The following CNKSR3 variants were observed in gnomAD, a reference collection of about 807,000 sequenced individuals.
The protein encoded by CNKSR3 is CNKSR family member 3.
Under a neutral mutation model 67.7 loss-of-function variants are expected in CNKSR3, and 36 were observed. That is an observed-to-expected ratio of 0.53 (90% CI 0.41 to 0.70). The LOEUF is 0.70. Among genes scored for constraint, CNKSR3 ranks in the 30% least tolerant of loss-of-function variants. The pLI is 0.00. For missense variants in CNKSR3, 630 were observed against 695.2 expected (o/e 0.91, Z 1.05); for synonymous variants, 281 against 271.4 (o/e 1.04, Z -0.35).
intron 7 of CNKSR3, among the ~76,000 whole-genome samples, chr6:154,425,491 G>A (rs950257192): frequency 1.3e-5 from 2 of 152,218 alleles, no homozygotes; most frequent in African/African-American, 2.4e-5. Context: ...ACTGAAAAAT[G>A]ATGCTTGTGT....
At chr6:154,424,705 G>A (rs574900474) in intron 7 of CNKSR3, among the ~76,000 whole-genome samples, 16 of 152,238 alleles carry the variant, frequency 1.1e-4, no homozygotes, top group South Asian at 6.2e-4. Context: ...TACCGTACCC[G>A]ACAGTGCTCA....
rs182505217 is a variant in CNKSR3 at position 154,488,688 on chromosome 6, T to A, written c.52+21375A>T. Among the ~76,000 whole-genome samples the A allele has an allele frequency of 4.3e-4, 65 of 152,286 alleles. No individual in the cohort carries two copies. In the East Asian group the frequency reaches 0.012, roughly 28 times the overall value. ...GTTACAAAACACAATTTCAAATTGCTAAAATATACAGATGAGGATGCTAAA... is the reference window on the plus strand; with the variant it reads ...GTTACAAAACACAATTTCAAATTGCAAAAATATACAGATGAGGATGCTAAA... On this transcript the variant is annotated intron_variant, in intron 1 of 12. Coordinates refer to ENST00000607772, the MANE Select transcript of CNKSR3 (RefSeq NM_173515.4).
intron 7 of CNKSR3, among the ~76,000 whole-genome samples, chr6:154,424,798 C>T (rs1225160369): frequency 2.0e-5 from 3 of 152,120 alleles, no homozygotes; most frequent in African/African-American, 7.2e-5. Context: ...GACAGTCTCA[C>T]TCACGCTCAG....
At chr6:154,450,000 AAG>A in intron 2 of CNKSR3, 93 bp downstream of exon 2, 1 of 1,172,140 alleles carries the variant, frequency 8.5e-7, no homozygotes, top group South Asian at 1.7e-5. Context: ...GCATTAAGGA[AAG>A]AGTGATATGC....
intron 2 of CNKSR3, among the ~76,000 whole-genome samples, chr6:154,443,213 T>C (rs1785639692): frequency 6.6e-6 from 1 of 152,166 alleles, no homozygotes; most frequent in South Asian, 2.1e-4. Flanking sequence ...CTCATTCTTA[T>C]CACTCAGGTG....
intron 2 of CNKSR3, among the ~76,000 whole-genome samples, chr6:154,443,680 C>T (rs1785650970): frequency 6.6e-6 from 1 of 152,148 alleles, no homozygotes; most frequent in South Asian, 2.1e-4. Context: ...GCAGCACTAA[C>T]TAAACACCAA....
chr6:154,460,894 G>C (rs1056768536), intron 1 of CNKSR3, among the ~76,000 whole-genome samples: 1 of 152,156 alleles, frequency 6.6e-6, no homozygotes, highest in Non-Finnish European at 1.5e-5. Flanking sequence ...CCCATTGCTT[G>C]AGTGTCAAGT....
At chr6:154,411,206 AGC>A in intron 10 of CNKSR3, 64 bp from the exon 11 acceptor site, 1 of 1,134,836 alleles carries the variant, frequency 8.8e-7, no homozygotes, top group Non-Finnish European at 1.3e-6. Flanking sequence ...GAAGAATTCC[AGC>A]AGTGCTGCTA....
chr6:154,424,230 C>CAA (rs56218677), intron 7 of CNKSR3, among the ~76,000 whole-genome samples: 11 of 72,932 alleles, frequency 1.5e-4, no homozygotes, highest in East Asian at 9.1e-4. Flanking sequence ...GACTCCGTCT[C>CAA]AAAAAAAAAA....
rs191733332 is a variant in CNKSR3, at chr6:154,498,583, G to C, written c.52+11480C>G. On this transcript the variant is annotated intron_variant, in intron 1 of 12. Transcript: ENST00000607772. ...ACTGCAACTTCTGACATTGCCTCCT[G>C]GCCCCTATAGGCAACCGTGTTTGCA... 3.9e-3 allele frequency among the ~76,000 whole-genome samples: 599 copies of C among 152,240 alleles called. 6 individuals carry two copies. The highest frequency in any genetic ancestry group is 0.014 in the African/African-American group (563 of 41,538).
At position 154,438,446 on chromosome 6, in the gene CNKSR3, C is replaced by CT. The variant is rs145225063; in HGVS notation, c.507+2845dup. On this transcript the variant is annotated intron_variant, in intron 4 of 12. Transcript: ENST00000607772. ...GGTAACCATTTATCTTCATACCACA[C>CT]TTTTTTTTTGCCTTTTTTCTTTTTT... Among the ~76,000 whole-genome samples the CT allele has an allele frequency of 2.5e-3, 377 of 151,370 alleles. 4 individuals carry two copies. Among genetic ancestry groups the CT allele is most frequent in the African/African-American group, 8.3e-3 (341 of 41,274 alleles).
intron 2 of CNKSR3, among the ~76,000 whole-genome samples, chr6:154,444,605 CTTTTTTTT>C (rs775511533): frequency 1.5e-5 from 2 of 135,848 alleles, no homozygotes; most frequent in African/African-American, 5.6e-5. Context: ...AGTGGAGAAA[CTTTTTTTT>C]TTTTTTTTTT....
At chr6:154,506,631 G>A (rs112131651) in intron 1 of CNKSR3, among the ~76,000 whole-genome samples, 1 of 152,198 alleles carries the variant, frequency 6.6e-6, no homozygotes, top group African/African-American at 2.4e-5. Flanking sequence ...CATACCCTAC[G>A]CCATGTGCTA....
At chr6:154,446,152 G>A (rs1330334286) in intron 2 of CNKSR3, among the ~76,000 whole-genome samples, 1 of 152,070 alleles carries the variant, frequency 6.6e-6, no homozygotes, top group East Asian at 1.9e-4. Context: ...CTTCCACTGA[G>A]ATCTCACTTC....
In CNKSR3 at chr6:154,503,977, C is replaced by T. The variant is rs183527989; in HGVS notation, c.52+6086G>A. On this transcript the variant is annotated intron_variant, in intron 1 of 12. Transcript: ENST00000607772. ...TGCTTCTCTAATTGTGATGGGTGCA[C>T]GAATCGCCAGGGGATCTTATTAAAA... Among the ~76,000 whole-genome samples the T allele has an allele frequency of 3.3e-5, 5 of 152,150 alleles. 1 individual carries two copies. The highest frequency in any genetic ancestry group is 5.9e-5 in the Non-Finnish European group (4 of 67,964).
chr6:154,412,643 A>G (rs1379384627), intron 10 of CNKSR3, among the ~76,000 whole-genome samples: 1 of 152,188 alleles, frequency 6.6e-6, no homozygotes, highest in Non-Finnish European at 1.5e-5. Flanking sequence ...TCTACACGCT[A>G]TAATAAGTTC....
intron 1 of CNKSR3, among the ~76,000 whole-genome samples, chr6:154,457,707 G>C (rs564756198): frequency 6.6e-6 from 1 of 152,192 alleles, no homozygotes; most frequent in East Asian, 1.9e-4. Flanking sequence ...TGTCTTGCCC[G>C]GATTTCTGCA....
intron 10 of CNKSR3, among the ~76,000 whole-genome samples, chr6:154,413,995 C>T (rs1415862267): frequency 6.6e-6 from 1 of 151,958 alleles, no homozygotes; most frequent in African/African-American, 2.4e-5. Flanking sequence ...GTGATCTGCC[C>T]GCCTCAGCCA....
rs557847445 is a variant in CNKSR3, at chr6:154,400,358, A to C, written c.*5996T>G. ...TGGGCAGCGCATGAACAGGTGATCA[A>C]CTCAGAAGACGAGCTTCATAAAGGT... On this transcript the variant is annotated 3_prime_UTR_variant, in exon 13 of 13. Transcript: ENST00000607772. The C allele has an allele frequency of 6.6e-6, 1 of 152,332 alleles. No individual in the cohort carries two copies. Among genetic ancestry groups the C allele is most frequent in the South Asian group, 2.1e-4 (1 of 4,830 alleles). 9.4% of individuals were successfully genotyped at this position (152,332 alleles called of 1,614,324 possible). A position where few individuals can be genotyped will look rare whatever the true frequency, so the allele number is the denominator to read the frequency against.
Sources: gnomAD v4.1 joint callset for allele counts (sites outside exome capture counted in the v4.1 genomes callset) on GRCh38, gnomAD v4.1.1 for gene constraint, MANE v1.5 for transcripts, NCBI Gene and HGNC (gene_info 2026-07-23, HGNC 2026-07-21) for gene names.